SPAG16: variants seen among roughly 807,000 people sequenced by gnomAD.
SPAG16 encodes the protein sperm-associated antigen 16 protein.
A neutral mutation model predicts 80.4 loss-of-function variants in SPAG16; 86 were observed. That is an observed-to-expected ratio of 1.07 (90% confidence interval 0.90 to 1.28). The LOEUF (loss-of-function observed/expected upper bound fraction) is 1.28. SPAG16 is among the 50% of genes most tolerant of loss of function. The probability of loss-of-function intolerance (pLI) is 0.00; values close to 1 mark genes in which losing one functional copy is unlikely to be tolerated. For synonymous variants in SPAG16, 294 were observed against 265.9 expected (o/e 1.11, Z -1.03); for missense variants, 870 against 765.3 (o/e 1.14, Z -1.61).
intron 15 of SPAG16, among the ~76,000 whole-genome samples, chr2:214,366,034 A>G (rs1457304252): frequency 6.7e-6 from 1 of 149,476 alleles, no homozygotes; most frequent in Non-Finnish European, 1.5e-5. Flanking sequence ...GCCAGAGTGC[A>G]GTGGTATGAT....
At chr2:213,298,519 A>G (rs1193832288) in intron 3 of SPAG16, among the ~76,000 whole-genome samples, 1 of 152,224 alleles carries the variant, frequency 6.6e-6, no homozygotes, top group African/African-American at 2.4e-5. Flanking sequence ...TGGCTAATAC[A>G]GTGCTTGGCA....
rs142338629 is a variant in SPAG16 at position 213,934,846 on chromosome 2, G to T, written c.1400+4701G>T. The stretch of plus-strand genomic sequence containing the variant: ...CAATTGTCAAGCTGCTTGAAGTAAA[G>T]CCACCCCTGTTTTGTAACTTCAGTT... On this transcript the variant is annotated intron_variant, in intron 12 of 15. Transcript: ENST00000331683. Among the ~76,000 whole-genome samples the T allele has an allele frequency of 1.5e-3, 225 of 152,152 alleles. 1 individual carries two copies. Among genetic ancestry groups the T allele is most frequent in the African/African-American group, 5.2e-3 (214 of 41,522 alleles).
intron 10 of SPAG16, among the ~76,000 whole-genome samples, chr2:213,738,213 G>A (rs199714067): frequency 6.6e-6 from 1 of 152,100 alleles, no homozygotes; most frequent in Non-Finnish European, 1.5e-5. Context: ...ATAGTAGTCC[G>A]TCTTTACATG....
At chr2:213,550,446 G>T (rs892702127) in intron 10 of SPAG16, among the ~76,000 whole-genome samples, 2 of 151,796 alleles carry the variant, frequency 1.3e-5, no homozygotes, top group African/African-American at 4.8e-5. Flanking sequence ...CAATTCATTT[G>T]GTTCCTTGGG....
In SPAG16 at chr2:213,388,221, A is replaced by T. The variant is rs115759947; in HGVS notation, c.942+13102A>T. 6.4e-3 allele frequency among the ~76,000 whole-genome samples: 974 copies of T among 152,316 alleles called. 19 individuals carry two copies. Among genetic ancestry groups the T allele is most frequent in the African/African-American group, 0.023 (944 of 41,560 alleles). ...GCATCCTGTCCTGCAAATATCAGGG[A>T]TCTGTGCTCTTATCTCTAACTACTG... On this transcript the variant is annotated intron_variant, in intron 9 of 15. Coordinates refer to ENST00000331683, the MANE Select transcript of SPAG16 (RefSeq NM_024532.5).
chr2:213,308,825 T>G (rs535981320), intron 3 of SPAG16, among the ~76,000 whole-genome samples: 1 of 152,178 alleles, frequency 6.6e-6, no homozygotes, highest in Admixed American at 6.5e-5. Flanking sequence ...AAGCAGAAGT[T>G]GCAGCTTCAT....
chr2:213,447,808 G>C (rs2071425969), intron 9 of SPAG16, among the ~76,000 whole-genome samples: 1 of 152,210 alleles, frequency 6.6e-6, no homozygotes, highest in South Asian at 2.1e-4. Flanking sequence ...GTTAACTCCT[G>C]TTTTGCTTCA....
chr2:214,399,173 G>A (rs1046946091), intron 15 of SPAG16, among the ~76,000 whole-genome samples: 1 of 151,998 alleles, frequency 6.6e-6, no homozygotes, highest in Non-Finnish European at 1.5e-5. Context: ...TTAATCATCC[G>A]ATTATACTAC....
intron 10 of SPAG16, among the ~76,000 whole-genome samples, chr2:213,593,830 A>G (rs2060793891): frequency 8.5e-6 from 1 of 118,308 alleles, no homozygotes; most frequent in Non-Finnish European, 1.6e-5. Flanking sequence ...GCTGGAGTGC[A>G]GTGTAGAGAT....
chr2:214,030,012 C>T (rs2048331166), intron 13 of SPAG16, among the ~76,000 whole-genome samples: 1 of 152,074 alleles, frequency 6.6e-6, no homozygotes. Flanking sequence ...TCTAGTCTCT[C>T]AACCTAATTT....
chr2:213,534,113 A>T (rs1487588232), intron 10 of SPAG16, among the ~76,000 whole-genome samples: 1 of 152,150 alleles, frequency 6.6e-6, no homozygotes, highest in Non-Finnish European at 1.5e-5. Context: ...ATGTAACCTG[A>T]TCATTCCTTT....
chr2:213,309,654 G>C (rs1381899934), intron 3 of SPAG16, among the ~76,000 whole-genome samples: 1 of 151,898 alleles, frequency 6.6e-6, no homozygotes, highest in Non-Finnish European at 1.5e-5. Context: ...TCTTTGTCTA[G>C]ATTTATGCTC....
At chr2:213,312,727 A>AT (rs879356760) in intron 4 of SPAG16, among the ~76,000 whole-genome samples, 2 of 151,676 alleles carry the variant, frequency 1.3e-5, no homozygotes, top group African/African-American at 4.8e-5. Flanking sequence ...TACTAATTTA[A>AT]TTTTTTTTAA....
intron 9 of SPAG16, among the ~76,000 whole-genome samples, chr2:213,463,571 C>T (rs1467223302): frequency 6.6e-6 from 1 of 152,244 alleles, no homozygotes; most frequent in African/African-American, 2.4e-5. Flanking sequence ...AGGCTGTGGC[C>T]TCAGACAGTG....
At chr2:213,537,887 C>A (rs898457589) in intron 10 of SPAG16, among the ~76,000 whole-genome samples, 2 of 152,108 alleles carry the variant, frequency 1.3e-5, no homozygotes, top group Non-Finnish European at 2.9e-5. Flanking sequence ...GGCAGCAGAC[C>A]TTTCTCAAGC....
At chr2:213,288,692 T>A (rs537889593) in intron 1 of SPAG16, among the ~76,000 whole-genome samples, 1 of 152,210 alleles carries the variant, frequency 6.6e-6, no homozygotes, top group African/African-American at 2.4e-5. Context: ...AAGTAAAACA[T>A]TTAGAAAGGT....
intron 9 of SPAG16, among the ~76,000 whole-genome samples, chr2:213,431,389 A>G (rs1215192383): frequency 6.6e-6 from 1 of 151,950 alleles, no homozygotes; most frequent in Non-Finnish European, 1.5e-5. Context: ...AACCAACTAC[A>G]TGCTGCTTAC....
intron 5 of SPAG16, among the ~76,000 whole-genome samples, chr2:213,323,615 C>T (rs2126156801): frequency 6.6e-6 from 1 of 152,244 alleles, no homozygotes; most frequent in African/African-American, 2.4e-5. Context: ...AATCCCACTC[C>T]TGGGTATTTA....
At chr2:213,908,598 A>G (rs913463815) in intron 11 of SPAG16, among the ~76,000 whole-genome samples, 1 of 152,068 alleles carries the variant, frequency 6.6e-6, no homozygotes, top group African/African-American at 2.4e-5. Flanking sequence ...CATAATACCT[A>G]TATATAGTGC....
Sources: gnomAD v4.1 joint callset for allele counts (sites outside exome capture counted in the v4.1 genomes callset) on GRCh38, gnomAD v4.1.1 for gene constraint, MANE v1.5 for transcripts, NCBI Gene and HGNC (gene_info 2026-07-23, HGNC 2026-07-21) for gene names.